DPF2: variants seen among roughly 807,000 people sequenced by gnomAD.
DPF2 encodes the protein zinc finger protein ubi-d4.
A neutral mutation model predicts 59.6 loss-of-function variants in DPF2; 10 were observed. The ratio of observed to expected loss-of-function variants is 0.17; its 90% CI spans 0.10 to 0.28. The LOEUF (loss-of-function observed/expected upper bound fraction) is 0.28. Among genes scored for constraint, DPF2 ranks in the 10% least tolerant of loss-of-function variants. DPF2 has a pLI of 1.00. For synonymous variants in DPF2, 189 were observed against 190.6 expected, an observed-to-expected ratio of 0.99 and a Z score of 0.07; for missense variants, 315 against 509.4, an observed-to-expected ratio of 0.62 and a Z score of 3.67.
intron 1 of DPF2, among the ~76,000 whole-genome samples, chr11:65,337,834 C>A: frequency 6.6e-6 from 1 of 151,770 alleles, no homozygotes; most frequent in Non-Finnish European, 1.5e-5. Flanking sequence ...GACAGAGTTT[C>A]GCTCTTGTTG....
At chr11:65,345,607 A>T in intron 6 of DPF2, 59 bp from the exon 7 acceptor site, 2 of 1,601,036 alleles carry the variant, frequency 1.2e-6, no homozygotes, top group South Asian at 2.2e-5. Flanking sequence ...GCTTGCAGGG[A>T]TGGGGACATG....
chr11:65,341,264 A>G (rs1415685858), intron 3 of DPF2, 135 bp from the exon 4 acceptor site: 1 of 1,351,780 alleles, frequency 7.4e-7, no homozygotes, highest in East Asian at 2.5e-5. Context: ...CAAGTGAACT[A>G]GGGTGTCTTA....
chr11:65,337,494 T>A (rs1260725676), intron 1 of DPF2, among the ~76,000 whole-genome samples: 1 of 62,566 alleles, frequency 1.6e-5, no homozygotes, highest in Admixed American at 2.0e-4. Context: ...TATATATATA[T>A]ATATATATAT....
intron 1 of DPF2, among the ~76,000 whole-genome samples, chr11:65,334,915 A>T (rs1267100119): frequency 1.3e-5 from 2 of 152,090 alleles, no homozygotes; most frequent in African/African-American, 4.8e-5. Flanking sequence ...TAACTCTTCT[A>T]AGGGACTCAC....
chr11:65,341,247 A>T (rs1004327117), intron 3 of DPF2, 152 bp from the exon 4 acceptor site: 1 of 1,275,470 alleles, frequency 7.8e-7, no homozygotes, highest in Non-Finnish European at 1.1e-6. Context: ...CAGATAAGTT[A>T]TGGTGCCAAG....
chr11:65,336,342 A>G (rs1218630474), intron 1 of DPF2, among the ~76,000 whole-genome samples: 1 of 150,666 alleles, frequency 6.6e-6, no homozygotes, highest in African/African-American at 2.4e-5. Context: ...AACTATAAAA[A>G]TTAGTTAGGT....
chr11:65,340,278 C>G, intron 1 of DPF2, 107 bp from the exon 2 acceptor site: 1 of 1,332,386 alleles, frequency 7.5e-7, no homozygotes, highest in South Asian at 1.5e-5. Flanking sequence ...AGACAGCCAC[C>G]CAGTCCCTTG....
chr11:65,335,924 C>T (rs1477871771), intron 1 of DPF2, among the ~76,000 whole-genome samples: 1 of 152,030 alleles, frequency 6.6e-6, no homozygotes, highest in African/African-American at 2.4e-5. Context: ...AGCAATTCTC[C>T]TGCTTCAGCC....
Position 65,351,767 on chromosome 11 carries a change from AC to A in DPF2, c.*11del, listed in dbSNP as rs754909793. The A allele has an allele frequency of 1.2e-6, 2 of 1,612,496 alleles. No individual in the cohort carries two copies. The highest frequency in any genetic ancestry group is 4.5e-5 in the East Asian group (2 of 44,886). On this transcript the variant is annotated 3_prime_UTR_variant, in exon 11 of 11. Coordinates refer to ENST00000528416, the MANE Select transcript of DPF2 (RefSeq NM_006268.5). ...AACCAGAACTCCTCTTGATGTGGCC[AC>A]CCACCTGCTCCCCGACATATCTAAG...
At chr11:65,337,547 A>G (rs868531855) in intron 1 of DPF2, among the ~76,000 whole-genome samples, 126 of 131,668 alleles carry the variant, frequency 9.6e-4, no homozygotes, top group African/African-American at 2.8e-3. Context: ...AGAGAGAGAG[A>G]ACAATGTTAA....
At chr11:65,348,611 GAAAAAAA>G in intron 9 of DPF2, 8 of 239,448 alleles carry the variant, frequency 3.3e-5, no homozygotes, top group East Asian at 7.5e-5. Context: ...GGGCTTTAGG[GAAAAAAA>G]AAAAAAAAAA....
intron 1 of DPF2, among the ~76,000 whole-genome samples, chr11:65,337,504 TAG>T (rs1188984367): frequency 0.013 from 281 of 21,344 alleles, 5 homozygotes; most frequent in African/African-American, 0.018. Context: ...TATATATATA[TAG>T]AGAGAGAGAG....
At position 65,345,721 on chromosome 11, in the gene DPF2, C is replaced by G. The variant is rs199512449; in HGVS notation, c.693C>G (p.Ser231=). The part of the protein sequence containing the change: ...RPGLSYHYAH[S]HLAEEEGEDK... ...GCCTCAGTTACCACTATGCCCACTC[C>G]CACTTGGCTGAGGAGGAGGGCGAGG... The change falls in exon 7 of 11, where the codon TCC becomes TCG. Residue 231 remains serine (S), a synonymous_variant. Coordinates refer to ENST00000528416, the MANE Select transcript of DPF2 (RefSeq NM_006268.5). The G allele has an allele frequency of 1.2e-6, 2 of 1,614,138 alleles. No individual in the cohort carries two copies. The highest frequency in any genetic ancestry group is 4.5e-5 in the East Asian group (2 of 44,882).
In DPF2 at chr11:65,344,107, G is replaced by A. The variant is rs375387282; in HGVS notation, c.637+38G>A. 48 of 1,600,160 alleles carry A rather than the reference G, an allele frequency of 3.0e-5. No individual in the cohort carries two copies. In the Admixed American group the frequency reaches 5.2e-4, roughly 17 times the overall value. On this transcript the variant is annotated intron_variant, in intron 6 of 10. Transcript: ENST00000528416. Reference sequence around the variant, plus strand: ...CAAGTGGGTGGGTAGACCTTGCCTTGGACCCAGCTCCTGCTCTGGATATGA... The same window carrying A: ...CAAGTGGGTGGGTAGACCTTGCCTTAGACCCAGCTCCTGCTCTGGATATGA...
chr11:65,348,969 TATTA>T (rs749244157), intron 10 of DPF2, 38 bp downstream of exon 10: 3 of 1,602,386 alleles, frequency 1.9e-6, no homozygotes, highest in Non-Finnish European at 2.6e-6. Flanking sequence ...ACAATTACTT[TATTA>T]GTTACTTGGA....
In DPF2 at chr11:65,352,645, C is replaced by T. The variant is rs2137718692; in HGVS notation, c.*886C>T. On this transcript the variant is annotated 3_prime_UTR_variant, in exon 11 of 11. Coordinates refer to ENST00000528416, the MANE Select transcript of DPF2 (RefSeq NM_006268.5). ...TTCTTCCTGGACCTGGGCATTCAGC[C>T]TCCTGCTCTTAACTGAATTGGGAGC... is the stretch of plus-strand genomic sequence containing the variant. The T allele has an allele frequency of 6.5e-6, 1 of 152,830 alleles. No homozygotes were observed. Among genetic ancestry groups the T allele is most frequent in the Admixed American group, 6.5e-5 (1 of 15,306 alleles). The allele number at this position is 152,830 out of a possible 1,614,324, so 9.5% of individuals were successfully genotyped here.
chr11:65,348,571 C>A, intron 9 of DPF2: 1 of 371,868 alleles, frequency 2.7e-6, no homozygotes, highest in South Asian at 3.9e-5. Context: ...ACAGCAATAC[C>A]CTGTCTCAAA....
At position 65,333,860 on chromosome 11, in the gene DPF2, TCGGCC is replaced by T; in HGVS notation, c.-24_-20del. The T allele has an allele frequency of 6.2e-7, 1 of 1,613,680 alleles. No individual in the cohort carries two copies. The highest frequency in any genetic ancestry group is 1.1e-5 in the South Asian group (1 of 91,070). ...TGCGCGCTGCGGACTGTGGGGCTTC[TCGGCC>T]CGAGGCAGAGGAACAGGGAAGATGG... On this transcript the variant is annotated 5_prime_UTR_variant, in exon 1 of 11. Coordinates refer to ENST00000528416, the MANE Select transcript of DPF2 (RefSeq NM_006268.5).
chr11:65,336,785 C>CA (rs751170058), intron 1 of DPF2, among the ~76,000 whole-genome samples: 2,246 of 65,556 alleles, frequency 0.034, 88 homozygotes, highest in African/African-American at 0.1. Flanking sequence ...GACTCCATCT[C>CA]AAAAAAAAAA....
Sources: allele counts gnomAD v4.1 joint callset (sites outside exome capture counted in the v4.1 genomes callset), GRCh38; gene constraint gnomAD v4.1.1; transcripts MANE v1.5; gene names NCBI Gene and HGNC (gene_info 2026-07-23, HGNC 2026-07-21).